ABL2: variants seen among roughly 807,000 people sequenced by gnomAD.
ABL2 encodes the protein ABL proto-oncogene 2, non-receptor tyrosine kinase.
Under a neutral mutation model 107.7 loss-of-function variants are expected in ABL2, and 49 were observed. The observed-to-expected ratio is 0.45, with a 90% CI of 0.36 to 0.58. The LOEUF is 0.58. Among genes scored for constraint, ABL2 ranks in the 20% least tolerant of loss-of-function variants. The pLI, the probability that ABL2 is intolerant of heterozygous loss-of-function variation, is 0.00. For synonymous variants in ABL2, 549 were observed against 548.6 expected (o/e 1.00, Z -0.01); for missense variants, 1,245 against 1,457.0 (o/e 0.85, Z 2.37).
chr1:179,214,519 C>A (rs979302382), intron 1 of ABL2, among the ~76,000 whole-genome samples: 4 of 122,134 alleles, frequency 3.3e-5, no homozygotes, highest in African/African-American at 5.9e-5. Context: ...TTTAAAATGA[C>A]ATATATATAT....
chr1:179,147,252 T>A (rs957933847), intron 1 of ABL2, among the ~76,000 whole-genome samples: 1 of 147,198 alleles, frequency 6.8e-6, no homozygotes, highest in African/African-American at 2.5e-5. Flanking sequence ...GAACACTTAT[T>A]CACTGTTGGT....
chr1:179,113,385 G>A (rs1396053719), intron 9 of ABL2, among the ~76,000 whole-genome samples: 1 of 152,194 alleles, frequency 6.6e-6, no homozygotes, highest in Non-Finnish European at 1.5e-5. Flanking sequence ...ATAATCAACT[G>A]TATACATTCA....
chr1:179,210,440 G>A (rs745921878), intron 1 of ABL2, among the ~76,000 whole-genome samples: 3 of 141,754 alleles, frequency 2.1e-5, no homozygotes, highest in Non-Finnish European at 4.5e-5. Context: ...GGAGGTGGAC[G>A]TTGCAGTGAA....
At chr1:179,224,560 C>CG (rs1455414779) in intron 1 of ABL2, among the ~76,000 whole-genome samples, 10 of 151,976 alleles carry the variant, frequency 6.6e-5, no homozygotes, top group Admixed American at 3.9e-4. Context: ...TGAGCCACCA[C>CG]GCCCAGCCTA....
intron 1 of ABL2, among the ~76,000 whole-genome samples, chr1:179,218,895 T>TGAGC (rs1662725065): frequency 6.6e-6 from 1 of 152,228 alleles, no homozygotes; most frequent in Non-Finnish European, 1.5e-5. Flanking sequence ...AACTGTTCTA[T>TGAGC]ATGATTTGAA....
At chr1:179,154,338 C>A (rs550286553) in intron 1 of ABL2, among the ~76,000 whole-genome samples, 1 of 152,190 alleles carries the variant, frequency 6.6e-6, no homozygotes, top group Non-Finnish European at 1.5e-5. Context: ...TGTTCCACGT[C>A]TCCTCTCTCC....
chr1:179,103,159 T>A lies in ABL2; in HGVS notation c.*4559A>T, dbSNP rs1336064797. Reference sequence around the variant, plus strand: ...AGTACACATTCTTACTTTTTAAAGATCGGAATTAAACCAAAAAGTTGGTCC... The same window carrying A: ...AGTACACATTCTTACTTTTTAAAGAACGGAATTAAACCAAAAAGTTGGTCC... On this transcript the variant is annotated 3_prime_UTR_variant, in exon 12 of 12. Transcript: ENST00000502732. 4.6e-6 allele frequency: 1 copy of A among 215,994 alleles called. No homozygotes were observed. The highest frequency in any genetic ancestry group is 5.8e-5 in the Admixed American group (1 of 17,146). 13.4% of individuals were successfully genotyped at this position (215,994 alleles called of 1,614,324 possible).
intron 1 of ABL2, among the ~76,000 whole-genome samples, chr1:179,144,795 A>C (rs1557953227): frequency 6.6e-6 from 1 of 152,226 alleles, no homozygotes; most frequent in Non-Finnish European, 1.5e-5. Context: ...ACTAAAGGTT[A>C]CCACAATTAT....
At position 179,108,682 on chromosome 1, in the gene ABL2, A is replaced by G. The variant is rs760606454; in HGVS notation, c.2585T>C (p.Leu862Pro). The change falls in exon 12 of 12, where the codon CTC (leucine) becomes CCC (proline). Residue 862 changes from leucine (L) to proline (P), a missense_variant. By Grantham distance (98) the Leu-to-Pro change is moderately conservative. Transcript: ENST00000502732. ...GGCTAGATCCCCAGAGGGTGTTCTG[A>G]GAGGAAGAGCTGTGGCTCCTCTGGG... ...LLPRGATALP[L>P]RTPSGDLAIT... The G allele has an allele frequency of 3.7e-6, 6 of 1,614,116 alleles. No individual in the cohort carries two copies. In the Admixed American group the frequency reaches 1.0e-4, roughly 27 times the overall value.
At chr1:179,111,110 A>G (rs1290511833) in intron 10 of ABL2, among the ~76,000 whole-genome samples, 3 of 150,248 alleles carry the variant, frequency 2.0e-5, no homozygotes, top group Admixed American at 6.7e-5. Context: ...CAGCCTCCCA[A>G]ATAGCTGGGA....
chr1:179,221,964 A>G (rs997317074), intron 1 of ABL2: 12 of 231,212 alleles, frequency 5.2e-5, no homozygotes, highest in South Asian at 3.2e-4. Context: ...GAATTTATTA[A>G]AAGTGGACAT....
intron 1 of ABL2, among the ~76,000 whole-genome samples, chr1:179,155,591 C>CGTG (rs1658639112): frequency 6.6e-6 from 1 of 151,798 alleles, no homozygotes; most frequent in African/African-American, 2.4e-5. Context: ...ATTAGCCAGG[C>CGTG]GTGGTGGCAT....
Position 179,157,929 on chromosome 1 carries a change from C to G in ABL2, c.158-24555G>C, listed in dbSNP as rs527560068. ...GAGTTTCTTCACCAGGATAGCTGGG[C>G]CCAGGCTAAGAAAGGAATGACTTTG... On this transcript the variant is annotated intron_variant, in intron 1 of 11. Transcript: ENST00000502732. 1.2e-4 allele frequency among the ~76,000 whole-genome samples: 19 copies of G among 152,232 alleles called. No individual in the cohort carries two copies. The East Asian group carries it at 3.3e-3, about 26-fold the overall frequency.
At chr1:179,165,734 T>C (rs367811901) in intron 1 of ABL2, among the ~76,000 whole-genome samples, 3 of 151,954 alleles carry the variant, frequency 2.0e-5, no homozygotes, top group East Asian at 1.9e-4. Flanking sequence ...CACTAGATCA[T>C]TGAGATAATA....
At position 179,229,640 on chromosome 1, in the gene ABL2, G is replaced by GCCGCCGCCGCCGCCGCCGCCA. The variant is rs1553236267; in HGVS notation, c.-244_-243insTGGCGGCGGCGGCGGCGGCGG. On this transcript the variant is annotated 5_prime_UTR_variant, in exon 1 of 12. Coordinates refer to ENST00000502732, the MANE Select transcript of ABL2 (RefSeq NM_007314.4). Reference sequence around the variant, plus strand: ...GCGGCTCCGCGCCCCCAACGCCGCCGCCGCCGCCGCCGCCACCGCCGCCGC... The same window carrying GCCGCCGCCGCCGCCGCCGCCA: ...GCGGCTCCGCGCCCCCAACGCCGCCGCCGCCGCCGCCGCCGCCGCCACCGCCGCCGCCGCCACCGCCGCCGC... 11 of 497,024 alleles carry GCCGCCGCCGCCGCCGCCGCCA rather than the reference G, an allele frequency of 2.2e-5. No homozygotes were observed. Among genetic ancestry groups the GCCGCCGCCGCCGCCGCCGCCA allele is most frequent in the East Asian group, 7.4e-5 (2 of 27,046 alleles). The allele number at this position is 497,024 out of a possible 1,614,324, so 30.8% of individuals were successfully genotyped here. A position where few individuals can be genotyped will look rare whatever the true frequency, so the allele number is the denominator to read the frequency against.
In ABL2 at chr1:179,110,513, T is replaced by G; in HGVS notation, c.1652-58A>C. 7 of 1,551,520 alleles carry G rather than the reference T, an allele frequency of 4.5e-6. No homozygotes were observed. The South Asian group carries it at 8.8e-5, about 19-fold the overall frequency. The stretch of plus-strand genomic sequence containing the variant: ...ACAATTTCATAGCAGAAAAAGGGAG[T>G]TCTTTTCAGAAAAGGCACACAACTG... On this transcript the variant is annotated intron_variant, in intron 10 of 11. Coordinates refer to ENST00000502732, the MANE Select transcript of ABL2 (RefSeq NM_007314.4).
Position 179,117,502 on chromosome 1 carries a change from C to G in ABL2, c.1238G>C (p.Arg413Pro). ...KNFIHRDLAA[R>P]NCLVGENHVV... is the part of the protein sequence containing the mutation. ...ATGGTTTTCTCCCACTAGGCAGTTA[C>G]GAGCTGCAAGATCTCTGTGGGAAAG... The change falls in exon 8 of 12, where the codon CGT becomes CCT. Residue 413 changes from arginine to proline, a missense_variant. Physicochemically the swap from Arg to Pro is moderately radical, Grantham distance 103 (BLOSUM62 -2). This residue lies in a region of ABL2 where 320 missense variants were observed against 547.0 expected (regional missense o/e 0.59). Transcript: ENST00000502732. 6.2e-7 allele frequency: 1 copy of G among 1,614,076 alleles called. No homozygotes were observed. Among genetic ancestry groups the G allele is most frequent in the Non-Finnish European group, 8.5e-7 (1 of 1,180,024 alleles).
rs1245319151 is a variant in ABL2 at position 179,108,676 on chromosome 1, G to A, written c.2591C>T (p.Thr864Ile). 6.2e-7 allele frequency: 1 copy of A among 1,614,200 alleles called. No homozygotes were observed. Among genetic ancestry groups the A allele is most frequent in the South Asian group, 1.1e-5 (1 of 91,078 alleles). ...PRGATALPLR[T>I]PSGDLAITEK... is the part of the protein sequence containing the mutation. ...TGTAATGGCTAGATCCCCAGAGGGT[G>A]TTCTGAGAGGAAGAGCTGTGGCTCC... Residue 864 changes from threonine (T) to isoleucine (I), a missense_variant, in exon 12 of 12, where the codon ACA (threonine) becomes ATA (isoleucine). Thr to Ile is a moderately conservative substitution (Grantham distance 89). Around this residue, in one of 3 missense-constraint regions of ABL2, gnomAD observed 761 missense variants for 766.4 expected, o/e 0.99. Coordinates refer to ENST00000502732, the MANE Select transcript of ABL2 (RefSeq NM_007314.4).
chr1:179,142,994 C>G (rs775384594), intron 1 of ABL2: 12 of 1,614,224 alleles, frequency 7.4e-6, no homozygotes, highest in Non-Finnish European at 1.0e-5. Context: ...GTGAAGTGTC[C>G]TGATCTCTGC....
Sources: allele counts gnomAD v4.1 joint callset (sites outside exome capture counted in the v4.1 genomes callset), GRCh38; gene constraint gnomAD v4.1.1; regional missense constraint gnomAD v4.1.1; transcripts MANE v1.5; gene names NCBI Gene and HGNC (gene_info 2026-07-23, HGNC 2026-07-21).